Variants in KANK2 observed in about 807,000 individuals in gnomAD.
The protein encoded by KANK2 is KN motif and ankyrin repeat domain-containing protein 2.
Under a neutral mutation model 74.6 loss-of-function variants are expected in KANK2, and 41 were observed. The observed-to-expected ratio is 0.55, with a 90% CI of 0.43 to 0.71. The LOEUF is 0.71. Among genes scored for constraint, KANK2 ranks in the 30% least tolerant of loss-of-function variants. The pLI, the probability that KANK2 is intolerant of heterozygous loss-of-function variation, is 0.00. For synonymous variants in KANK2, 537 were observed against 519.0 expected (o/e 1.03, Z -0.47); for missense variants, 1,148 against 1,196.4 (o/e 0.96, Z 0.60).
In KANK2 at chr19:11,170,055, G is replaced by C; in HGVS notation, c.2405C>G (p.Thr802Arg). Residue 802 changes from threonine (T) to arginine (R), a missense_variant, in exon 11 of 13, where the codon ACA becomes AGA. Physicochemically the swap from Thr to Arg is moderately conservative, Grantham distance 71. Coordinates refer to ENST00000586659, the MANE Select transcript of KANK2 (RefSeq NM_001136191.3). The surrounding 1 kb of genome is among the most constrained non-coding windows in gnomAD (Gnocchi z 5.2). Reference protein sequence around the residue: ...LAVPSCDISLTDRDGSTALMV... With the variant: ...LAVPSCDISLRDRDGSTALMV... Reference sequence around the variant, plus strand: ...ACCTGGTTGGAGACTCACGCGATCTGTGAGTGAGATGTCACAGCTGGGCAC... The same window carrying C: ...ACCTGGTTGGAGACTCACGCGATCTCTGAGTGAGATGTCACAGCTGGGCAC... 1 of 1,613,586 alleles carries C rather than the reference G, an allele frequency of 6.2e-7. No homozygotes were observed. Among genetic ancestry groups the C allele is most frequent in the Non-Finnish European group, 8.5e-7 (1 of 1,179,594 alleles).
intron 4 of KANK2, among the ~76,000 whole-genome samples, chr19:11,185,875 C>A (rs544495673): frequency 1.3e-5 from 2 of 152,182 alleles, no homozygotes; most frequent in South Asian, 4.1e-4. Flanking sequence ...CCCATCTCTA[C>A]AAAAAATTAC....
intron 4 of KANK2, among the ~76,000 whole-genome samples, chr19:11,191,350 A>G (rs188647595): frequency 6.6e-6 from 1 of 152,286 alleles, no homozygotes; most frequent in African/African-American, 2.4e-5. Context: ...AGCTGTCATT[A>G]TTATGAGTCA....
rs908981446 is a variant in KANK2, at chr19:11,173,108, T to C, written c.2084A>G (p.Asp695Gly). The change falls in exon 10 of 13, where the codon GAC becomes GGC. Residue 695 changes from aspartate (D) to glycine (G), a missense_variant. By Grantham distance (94) the Asp-to-Gly change is moderately conservative (BLOSUM62 -1). Coordinates refer to ENST00000586659, the MANE Select transcript of KANK2 (RefSeq NM_001136191.3). ...QLLDSGVCKV[D>G]KQNRAGYSPI... Reference sequence around the variant, plus strand: ...GCTGTAGCCAGCACGGTTCTGTTTGTCCACCTTGCAGACACCTAAGAGACA... The same window carrying C: ...GCTGTAGCCAGCACGGTTCTGTTTGCCCACCTTGCAGACACCTAAGAGACA... 1.2e-6 allele frequency: 2 copies of C among 1,613,596 alleles called. No homozygotes were observed. The highest frequency in any genetic ancestry group is 1.1e-5 in the South Asian group (1 of 91,024).
chr19:11,189,874 G>A (rs1299631960), intron 4 of KANK2, among the ~76,000 whole-genome samples: 2 of 152,164 alleles, frequency 1.3e-5, no homozygotes, highest in Non-Finnish European at 2.9e-5. Flanking sequence ...GGCTGGGCCA[G>A]GCGGAGCCTC....
chr19:11,178,740 G>C lies in KANK2; in HGVS notation c.1250-20C>G, dbSNP rs188741857. 1.3e-6 allele frequency: 2 copies of C among 1,505,762 alleles called. No homozygotes were observed. Among genetic ancestry groups the C allele is most frequent in the Non-Finnish European group, 1.8e-6 (2 of 1,131,328 alleles). The allele number at this position is 1,505,762 out of a possible 1,614,324, so 93.3% of individuals were successfully genotyped here. A position where few individuals can be genotyped will look rare whatever the true frequency, so the allele number is the denominator to read the frequency against. On this transcript the variant is annotated intron_variant, in intron 4 of 12. Transcript: ENST00000586659. Reference sequence around the variant, plus strand: ...GGAGGCCTGGAGGGACAGGAAATGAGTGTCTGCTCTTGGTCATAAAAGCCA... The same window carrying C: ...GGAGGCCTGGAGGGACAGGAAATGACTGTCTGCTCTTGGTCATAAAAGCCA...
chr19:11,179,347 A>T (rs1012572111), intron 4 of KANK2, among the ~76,000 whole-genome samples: 1 of 145,412 alleles, frequency 6.9e-6, no homozygotes, highest in African/African-American at 2.6e-5. Flanking sequence ...AGATAAAAAC[A>T]CGTCTTGGTG....
At chr19:11,176,031 T>G (rs748145548) in intron 7 of KANK2, 42 bp from the exon 8 acceptor site, 19 of 1,508,988 alleles carry the variant, frequency 1.3e-5, no homozygotes, top group Non-Finnish European at 1.7e-5. Flanking sequence ...TAAGCCCCGC[T>G]GCGGTGCCTG....
At chr19:11,167,553 A>T (rs1051074161) in intron 12 of KANK2, among the ~76,000 whole-genome samples, 3 of 146,170 alleles carry the variant, frequency 2.1e-5, no homozygotes, top group African/African-American at 7.6e-5. Flanking sequence ...TTTGAGGCGG[A>T]ATCTCACTCT....
rs1374348626 is a variant in KANK2, at chr19:11,170,317, C to T, written c.2212-69G>A. On this transcript the variant is annotated intron_variant, in intron 10 of 12. Transcript: ENST00000586659. This position sits in a 1 kb window ranked among gnomAD's most constrained non-coding sequence, Gnocchi z 5.2. ...GGGCAGGACACCCCCTGGTCTAGAA[C>T]CTGCTGTAGCTCCCACATACTCTGA... The T allele has an allele frequency of 4.8e-6, 6 of 1,262,584 alleles. No individual in the cohort carries two copies. Among genetic ancestry groups the T allele is most frequent in the Non-Finnish European group, 6.8e-6 (6 of 884,978 alleles). The allele number at this position is 1,262,584 out of a possible 1,614,324, so 78.2% of individuals were successfully genotyped here.
chr19:11,180,661 T>C (rs1374449735), intron 4 of KANK2, among the ~76,000 whole-genome samples: 1 of 152,176 alleles, frequency 6.6e-6, no homozygotes, highest in East Asian at 1.9e-4. Context: ...AAACGCCAGT[T>C]GCTATGTCCC....
chr19:11,183,329 A>G (rs556302168), intron 4 of KANK2, among the ~76,000 whole-genome samples: 108 of 152,336 alleles, frequency 7.1e-4, no homozygotes, highest in South Asian at 2.5e-3. Context: ...TGGTTTTAGG[A>G]GAAGCAGCTT....
At position 11,185,520 on chromosome 19, in the gene KANK2, A is replaced by C. The variant is rs1005128452; in HGVS notation, c.1250-6800T>G. 2.5e-4 allele frequency among the ~76,000 whole-genome samples: 37 copies of C among 149,638 alleles called. 3 individuals carry two copies. Among genetic ancestry groups the C allele is most frequent in the Admixed American group, 2.0e-3 (30 of 14,734 alleles). On this transcript the variant is annotated intron_variant, in intron 4 of 12. Transcript: ENST00000586659. ...AAAATCATTCAACCATTAAAAAAAAACGTAAAAATCATTCTTAGCTGTGGG... is the reference window on the plus strand; with the variant it reads ...AAAATCATTCAACCATTAAAAAAAACCGTAAAAATCATTCTTAGCTGTGGG...
At chr19:11,188,343 G>A (rs2078736647) in intron 4 of KANK2, among the ~76,000 whole-genome samples, 1 of 151,866 alleles carries the variant, frequency 6.6e-6, no homozygotes, top group South Asian at 2.1e-4. Context: ...CAAGTAGCTG[G>A]GATTACAGGT....
rs1177730107 is a variant in KANK2, at chr19:11,164,823, C to G, written c.*1735G>C. On this transcript the variant is annotated 3_prime_UTR_variant, in exon 13 of 13. Coordinates refer to ENST00000586659, the MANE Select transcript of KANK2 (RefSeq NM_001136191.3). ...TACGTACATTCCCTTCACTAAAAAT[C>G]AAAGCAAGCCAGTCTACATCAAGCC... is the stretch of plus-strand genomic sequence containing the variant. 6.6e-6 allele frequency: 1 copy of G among 152,070 alleles called. No individual in the cohort carries two copies. Among genetic ancestry groups the G allele is most frequent in the Non-Finnish European group, 1.5e-5 (1 of 68,030 alleles). The allele number at this position is 152,070 out of a possible 1,614,324, so 9.4% of individuals were successfully genotyped here.
At chr19:11,182,918 A>G (rs552427433) in intron 4 of KANK2, among the ~76,000 whole-genome samples, 18 of 152,066 alleles carry the variant, frequency 1.2e-4, no homozygotes, top group Non-Finnish European at 1.6e-4. Context: ...CCCCAACAGA[A>G]AAGCAGGCAG....
At chr19:11,172,765 C>T (rs1568642690) in intron 10 of KANK2, among the ~76,000 whole-genome samples, 1 of 152,126 alleles carries the variant, frequency 6.6e-6, no homozygotes, top group Non-Finnish European at 1.5e-5. Flanking sequence ...ATGAACTGTC[C>T]AGCAGGATGT....
chr19:11,194,753 C>T, intron 2 of KANK2, 163 bp from the exon 3 acceptor site: 2 of 439,222 alleles, frequency 4.6e-6, no homozygotes, highest in Admixed American at 3.5e-5. Context: ...CCCCCCCCGA[C>T]CCCCTCCCCC....
intron 2 of KANK2, 26 bp from the exon 3 acceptor site, chr19:11,194,616 G>T: frequency 2.3e-6 from 2 of 887,358 alleles, no homozygotes; most frequent in South Asian, 1.3e-5. Context: ...CACGGCGCCG[G>T]GAGTTAGGAG....
chr19:11,179,983 CCT>C (rs1053060930), intron 4 of KANK2, among the ~76,000 whole-genome samples: 11 of 152,194 alleles, frequency 7.2e-5, no homozygotes, highest in African/African-American at 2.2e-4. Context: ...GCCTCAGCCC[CCT>C]GAGCGGCAGG....
Sources: allele counts gnomAD v4.1 joint callset (sites outside exome capture counted in the v4.1 genomes callset), GRCh38; gene constraint gnomAD v4.1.1; non-coding constraint Gnocchi (gnomAD v3.1); transcripts MANE v1.5; gene names NCBI Gene and HGNC (gene_info 2026-07-23, HGNC 2026-07-21).